The following ITPR2 variants were observed in gnomAD, a reference collection of about 807,000 sequenced individuals.
ITPR2 encodes inositol 1,4,5-trisphosphate-gated calcium channel ITPR2.
ITPR2 carries 207 observed loss-of-function variants against 317.1 expected under a neutral mutation model. The observed-to-expected ratio is 0.65, with a 90% CI of 0.58 to 0.73. The LOEUF (loss-of-function observed/expected upper bound fraction) is 0.73, where lower values mean the gene tolerates loss of function less well. Ranked by LOEUF, ITPR2 falls within the 30% of genes least tolerant of loss-of-function variation. ITPR2 has a pLI of 0.00. For synonymous variants in ITPR2, 1,156 were observed against 1,149.1 expected (o/e 1.01, Z -0.12); for missense variants, 2,613 against 3,284.0 (o/e 0.80, Z 4.99).
At chr12:26,475,595 A>G (rs2136821932) in intron 44 of ITPR2, among the ~76,000 whole-genome samples, 177 bp from the exon 45 acceptor site, 1 of 152,326 alleles carries the variant, frequency 6.6e-6, no homozygotes, top group South Asian at 2.1e-4. Context: ...TCTTCCTACA[A>G]TATTCCCCTT....
intron 32 of ITPR2, among the ~76,000 whole-genome samples, chr12:26,587,285 AT>A (rs1945553025): frequency 5.9e-5 from 4 of 67,450 alleles, no homozygotes; most frequent in Non-Finnish European, 1.6e-4. Context: ...AAATAAATAT[AT>A]ATATATATAT....
At chr12:26,561,708 T>C in intron 35 of ITPR2, 54 bp downstream of exon 35, 1 of 1,347,384 alleles carries the variant, frequency 7.4e-7, no homozygotes, top group East Asian at 2.9e-5. Context: ...TGACTACATA[T>C]TTTTAAAAAA....
At chr12:26,494,613 T>C (rs938964447) in intron 38 of ITPR2, among the ~76,000 whole-genome samples, 2 of 151,304 alleles carry the variant, frequency 1.3e-5, no homozygotes, top group South Asian at 2.1e-4. Flanking sequence ...CTACTAAAAA[T>C]ACAAAAATTA....
At position 26,567,995 on chromosome 12, in the gene ITPR2, TA is replaced by T. The variant is rs1241159787; in HGVS notation, c.4631-6044del. On this transcript the variant is annotated intron_variant, in intron 34 of 56. Coordinates refer to ENST00000381340, the MANE Select transcript of ITPR2 (RefSeq NM_002223.4). The stretch of plus-strand genomic sequence containing the variant: ...TATATATATTATATATATATATATA[TA>T]TTATATATATTATATATATATATAT... Among the ~76,000 whole-genome samples, 48 of 5,536 alleles carry T rather than the reference TA, an allele frequency of 8.7e-3. 4 individuals carry two copies. The highest frequency in any genetic ancestry group is 0.013 in the East Asian group (16 of 1,262). The allele number at this position is 5,536 out of a possible 152,430, so 3.6% of individuals were successfully genotyped here.
chr12:26,606,463 G>A (rs557379004), intron 26 of ITPR2, among the ~76,000 whole-genome samples: 1 of 150,388 alleles, frequency 6.6e-6, no homozygotes, highest in African/African-American at 2.4e-5. Flanking sequence ...AAGAGACCAA[G>A]AATAGTCTAG....
intron 2 of ITPR2, among the ~76,000 whole-genome samples, chr12:26,744,853 A>G (rs1949291818): frequency 1.3e-5 from 2 of 152,222 alleles, no homozygotes; most frequent in Admixed American, 1.3e-4. Context: ...TGCCTCATCA[A>G]ATACATAGCC....
rs549867963 is a variant in ITPR2, at chr12:26,615,977, C to G, written c.3462+5146G>C. On this transcript the variant is annotated intron_variant, in intron 26 of 56. Coordinates refer to ENST00000381340, the MANE Select transcript of ITPR2 (RefSeq NM_002223.4). ...CAAGCCACAATGGACAATTACAAAA[C>G]CTGGATGTACAATAGGTCAAAAAGC... is the stretch of plus-strand genomic sequence containing the variant. Among the ~76,000 whole-genome samples, 6 of 152,118 alleles carry G rather than the reference C, an allele frequency of 3.9e-5. No homozygotes were observed. The East Asian group carries it at 1.2e-3, about 29-fold the overall frequency.
At chr12:26,481,549 T>G (rs577137793) in intron 42 of ITPR2, among the ~76,000 whole-genome samples, 1 of 152,360 alleles carries the variant, frequency 6.6e-6, no homozygotes, top group African/African-American at 2.4e-5. Flanking sequence ...TTCAATAAAC[T>G]TTAATATACC....
chr12:26,442,899 GC>G (rs1402167937), intron 46 of ITPR2, among the ~76,000 whole-genome samples: 18 of 152,220 alleles, frequency 1.2e-4, no homozygotes, highest in Admixed American at 4.6e-4. Flanking sequence ...GCTCACTTCT[GC>G]CTGATTAGCT....
chr12:26,428,196 G>T, intron 48 of ITPR2, 108 bp from the exon 49 acceptor site: 1 of 752,160 alleles, frequency 1.3e-6, no homozygotes, highest in Non-Finnish European at 1.9e-6. Flanking sequence ...CCATAATCCA[G>T]TAAATTTCAA....
At chr12:26,452,876 C>T (rs918475125) in intron 45 of ITPR2, among the ~76,000 whole-genome samples, 1 of 152,046 alleles carries the variant, frequency 6.6e-6, no homozygotes, top group Non-Finnish European at 1.5e-5. Flanking sequence ...TACCCAGTCT[C>T]GGGTACTCTC....
intron 37 of ITPR2, among the ~76,000 whole-genome samples, chr12:26,543,640 G>T (rs891662286): frequency 6.6e-6 from 1 of 151,980 alleles, no homozygotes; most frequent in Non-Finnish European, 1.5e-5. Context: ...TGGGTGGCAG[G>T]TGCCTGTAAT....
At chr12:26,591,944 A>G (rs1194529232) in intron 32 of ITPR2, among the ~76,000 whole-genome samples, 6 of 152,146 alleles carry the variant, frequency 3.9e-5, no homozygotes, top group Non-Finnish European at 7.3e-5. Flanking sequence ...AGATATCTGC[A>G]CTCCCATGTT....
At chr12:26,799,468 GCGATTAT>G (rs1950516971) in intron 1 of ITPR2, among the ~76,000 whole-genome samples, 1 of 152,158 alleles carries the variant, frequency 6.6e-6, no homozygotes, top group Non-Finnish European at 1.5e-5. Context: ...ATCTTGTGAA[GCGATTAT>G]CTTCAGAGTA....
intron 54 of ITPR2, among the ~76,000 whole-genome samples, chr12:26,389,860 T>A (rs2136632881): frequency 6.6e-6 from 1 of 152,280 alleles, no homozygotes; most frequent in African/African-American, 2.4e-5. Context: ...GAGAAAGAAA[T>A]GTTATTTCAT....
intron 55 of ITPR2, among the ~76,000 whole-genome samples, chr12:26,351,361 T>A (rs17469297): frequency 0.064 from 9,758 of 152,316 alleles, 432 homozygotes; most frequent in Non-Finnish European, 0.095. Context: ...GATGAAATGA[T>A]GGGGAAGCTG....
chr12:26,568,375 A>G (rs565436799), intron 34 of ITPR2, among the ~76,000 whole-genome samples: 1 of 152,100 alleles, frequency 6.6e-6, no homozygotes, highest in African/African-American at 2.4e-5. Flanking sequence ...CTCTGCCTAG[A>G]GATAACAGTT....
chr12:26,362,822 G>A (rs1938879749), intron 55 of ITPR2, among the ~76,000 whole-genome samples: 1 of 152,252 alleles, frequency 6.6e-6, no homozygotes, highest in East Asian at 1.9e-4. Flanking sequence ...CCTCTTCCTA[G>A]TGTAGCTGAA....
chr12:26,457,142 G>C (rs1490610660), intron 45 of ITPR2, among the ~76,000 whole-genome samples: 1 of 152,224 alleles, frequency 6.6e-6, no homozygotes, highest in Non-Finnish European at 1.5e-5. Flanking sequence ...AAATGTGCAA[G>C]TGCTAAGGAG....
Sources: gnomAD v4.1 joint callset for allele counts (sites outside exome capture counted in the v4.1 genomes callset) on GRCh38, gnomAD v4.1.1 for gene constraint, MANE v1.5 for transcripts, NCBI Gene and HGNC (gene_info 2026-07-23, HGNC 2026-07-21) for gene names.